CCT7: variants seen among roughly 807,000 people sequenced by gnomAD.
CCT7 encodes T-complex protein 1 subunit eta.
In CCT7, 16 loss-of-function variants were observed where a neutral mutation model predicts 56.6. The ratio of observed to expected loss-of-function variants is 0.28; its 90% CI spans 0.19 to 0.43. The LOEUF is 0.43. Ranked by LOEUF, CCT7 falls within the 20% of genes least tolerant of loss-of-function variation. CCT7 has a pLI of 1.00. For synonymous variants in CCT7, 262 were observed against 254.8 expected, an observed-to-expected ratio of 1.03 and a Z score of -0.27; for missense variants, 519 against 685.6, an observed-to-expected ratio of 0.76 and a Z score of 2.71.
chr2:73,252,880 C>G lies in CCT7; in HGVS notation c.*19C>G. The G allele has an allele frequency of 1.3e-6, 2 of 1,592,118 alleles. No individual in the cohort carries two copies. Among genetic ancestry groups the G allele is most frequent in the Non-Finnish European group, 1.7e-6 (2 of 1,162,180 alleles). ...CCACTGAGAGGCACCCCACCCATCACATGGCTGGCTGGCTGCTGGGTGCAC... is the reference window on the plus strand; with the variant it reads ...CCACTGAGAGGCACCCCACCCATCAGATGGCTGGCTGGCTGCTGGGTGCAC... On this transcript the variant is annotated 3_prime_UTR_variant, in exon 12 of 12. Transcript: ENST00000258091.
chr2:73,245,347 G>C (rs72905370), intron 6 of CCT7, among the ~76,000 whole-genome samples: 24 of 152,098 alleles, frequency 1.6e-4, no homozygotes, highest in Non-Finnish European at 2.9e-4. Flanking sequence ...CCACATTAGC[G>C]TGTGTAGCTC....
chr2:73,237,644 C>G (rs1400668735), intron 1 of CCT7: 3 of 152,108 alleles, frequency 2.0e-5, no homozygotes, highest in East Asian at 1.9e-4. Context: ...GACACTCCAG[C>G]AAAAGGAAGG....
At chr2:73,237,600 G>A (rs1163615491) in intron 1 of CCT7, 1 of 152,122 alleles carries the variant, frequency 6.6e-6, no homozygotes, top group Non-Finnish European at 1.5e-5. Flanking sequence ...AATGCTGGGA[G>A]TATAGAGAAG....
intron 2 of CCT7, 159 bp downstream of exon 2, chr2:73,239,955 G>T: frequency 1.5e-6 from 1 of 661,728 alleles, no homozygotes. Flanking sequence ...TGTCCTGACT[G>T]CTGAGCCCGT....
In CCT7 at chr2:73,247,793, A is replaced by C. The variant is rs747585718; in HGVS notation, c.650A>C (p.Lys217Thr). The C allele has an allele frequency of 3.1e-6, 5 of 1,614,182 alleles. No homozygotes were observed. The highest frequency in any genetic ancestry group is 4.2e-6 in the Non-Finnish European group (5 of 1,179,986). ...CAGCTGGTAGCTGGTGTTGCATTCA[A>C]GAAGACTTTCTCTTACGCTGGGTTT... ...DSQLVAGVAF[K>T]KTFSYAGFEM... Residue 217 changes from lysine (K) to threonine (T), a missense_variant, in exon 7 of 12, where the codon AAG (lysine) becomes ACG (threonine). Around this residue, in one of 3 missense-constraint regions of CCT7, gnomAD observed 276 missense variants for 357.3 expected, o/e 0.77. Transcript: ENST00000258091.
chr2:73,236,902 C>T (rs553994415), intron 1 of CCT7, among the ~76,000 whole-genome samples: 46 of 152,294 alleles, frequency 3.0e-4, no homozygotes, highest in African/African-American at 8.9e-4. Context: ...GCTCTTCTTG[C>T]ATTGTGCTTA....
At chr2:73,244,162 A>G in intron 5 of CCT7, 113 bp downstream of exon 5, 1 of 1,071,526 alleles carries the variant, frequency 9.3e-7, no homozygotes, top group East Asian at 2.6e-5. Context: ...CGACTCCCAA[A>G]GTGCTGGGAT....
chr2:73,239,902 C>T, intron 2 of CCT7, 106 bp downstream of exon 2: 3 of 957,544 alleles, frequency 3.1e-6, no homozygotes, highest in Non-Finnish European at 4.7e-6. Flanking sequence ...CTTTTAAGAT[C>T]GTTGAAAGAT....
rs3768637 is a variant in CCT7, at chr2:73,247,368, A to G, written c.619-394A>G. Among the ~76,000 whole-genome samples, 42 of 152,180 alleles carry G rather than the reference A, an allele frequency of 2.8e-4. 1 individual carries two copies. In the East Asian group the frequency reaches 8.1e-3, roughly 29 times the overall value. On this transcript the variant is annotated intron_variant, in intron 6 of 11. Transcript: ENST00000258091. ...GAGCTGGGGCATAGAAGAGGGTAGC[A>G]TTGCACAGCTTTTGTTTTGCCTTCT...
Position 73,244,036 on chromosome 2 carries a change from A to T in CCT7, c.433A>T (p.Lys145Ter). The T allele has an allele frequency of 6.2e-7, 1 of 1,613,438 alleles. No homozygotes were observed. Among genetic ancestry groups the T allele is most frequent in the Non-Finnish European group, 8.5e-7 (1 of 1,179,720 alleles). ...KIKEIAVTVKKADKVEQRKLL... is the reference protein window; with the variant it reads ...KIKEIAVTVK The stretch of plus-strand genomic sequence containing the variant: ...CAAAGAGATTGCTGTGACCGTGAAG[A>T]AGGCAGATAAAGTGTAAGTCTGTAG... Residue 145 changes from lysine (K) to a stop codon, truncating the protein, a stop_gained, in exon 5 of 12, where the codon AAG becomes TAG. Coordinates refer to ENST00000258091, the MANE Select transcript of CCT7 (RefSeq NM_006429.4). LOFTEE classifies it high-confidence loss of function.
chr2:73,252,643 G>C lies in CCT7; in HGVS notation c.1414G>C (p.Gly472Arg). The change falls in exon 12 of 12, where the codon GGT becomes CGT. Residue 472 changes from glycine to arginine, a missense_variant. Around this residue, in one of 3 missense-constraint regions of CCT7, gnomAD observed 237 missense variants for 300.8 expected, o/e 0.79. Transcript: ENST00000258091. ...NKLRARHAQG[G>R]TWYGVDINNE... ...CTTTCTTTTCCTACTCTTTTAGGGG[G>C]GTACATGGTATGGAGTAGACATCAA... 1 of 1,612,292 alleles carries C rather than the reference G, an allele frequency of 6.2e-7. No homozygotes were observed. The highest frequency in any genetic ancestry group is 8.5e-7 in the Non-Finnish European group (1 of 1,178,414).
intron 6 of CCT7, 94 bp from the exon 7 acceptor site, chr2:73,247,668 C>A (rs1353323189): frequency 9.7e-7 from 1 of 1,028,814 alleles, no homozygotes; most frequent in Non-Finnish European, 1.4e-6. Flanking sequence ...AGCTCAGGCT[C>A]ACAGGAATGG....
intron 1 of CCT7, among the ~76,000 whole-genome samples, chr2:73,237,352 G>A (rs980739352): frequency 1.3e-5 from 2 of 152,170 alleles, no homozygotes; most frequent in African/African-American, 2.4e-5. Flanking sequence ...ACAAGCATTG[G>A]GTAAGTTAAC....
chr2:73,234,498 GC>G, intron 1 of CCT7, 114 bp downstream of exon 1: 1 of 1,265,330 alleles, frequency 7.9e-7, no homozygotes, highest in Non-Finnish European at 1.1e-6. Context: ...CTCTGTCCTC[GC>G]CCAGATCCCC....
chr2:73,244,662 T>G lies in CCT7; in HGVS notation c.565T>G (p.Leu189Val). The G allele has an allele frequency of 1.2e-6, 2 of 1,613,866 alleles. No individual in the cohort carries two copies. Among genetic ancestry groups the G allele is most frequent in the Non-Finnish European group, 1.7e-6 (2 of 1,179,818 alleles). Reference sequence around the variant, plus strand: ...GGATGCAGTGATGATGCTCGATGATTTGCTGCAGCTTAAAATGATTGGAAT... The same window carrying G: ...GGATGCAGTGATGATGCTCGATGATGTGCTGCAGCTTAAAATGATTGGAAT... The part of the protein sequence containing the change: ...VVDAVMMLDD[L>V]LQLKMIGIKK... Residue 189 changes from leucine (L) to valine (V), a missense_variant, in exon 6 of 12, where the codon TTG becomes GTG. Physicochemically the swap from Leu to Val is conservative, Grantham distance 32. Around this residue, in one of 3 missense-constraint regions of CCT7, gnomAD observed 276 missense variants for 357.3 expected, o/e 0.77. Transcript: ENST00000258091.
chr2:73,247,249 G>C (rs896667566), intron 6 of CCT7, among the ~76,000 whole-genome samples: 1 of 152,148 alleles, frequency 6.6e-6, no homozygotes, highest in Non-Finnish European at 1.5e-5. Flanking sequence ...AAGCGTCAAG[G>C]CTATAGTATC....
Position 73,252,825 on chromosome 2 carries a change from A to C in CCT7, c.1596A>C (p.Ala532=). The part of the protein sequence containing the change: ...NPRSTVDAPT[A]AGRGRGRGRP... Reference sequence around the variant, plus strand: ...GCTCGACTGTGGATGCTCCCACAGCAGCAGGCCGGGGCCGTGGTCGTGGCC... The same window carrying C: ...GCTCGACTGTGGATGCTCCCACAGCCGCAGGCCGGGGCCGTGGTCGTGGCC... The change falls in exon 12 of 12, where the codon GCA becomes GCC. Residue 532 remains alanine (A), a synonymous_variant. Transcript: ENST00000258091. The C allele has an allele frequency of 1.2e-6, 2 of 1,614,050 alleles. No homozygotes were observed.
chr2:73,240,442 G>C lies in CCT7; in HGVS notation c.166G>C (p.Ala56Pro). The part of the protein sequence containing the change: ...DKLIVDGRGK[A>P]TISNDGATIL... ...TTTTGTTTGTTTCTTTTAAGGCAAA[G>C]CAACAATTTCTAATGATGGGGCCAC... Residue 56 changes from alanine to proline, a missense_variant, in exon 3 of 12, where the codon GCA (alanine) becomes CCA (proline). Transcript: ENST00000258091. 6.2e-7 allele frequency: 1 copy of C among 1,609,910 alleles called. No homozygotes were observed. Among genetic ancestry groups the C allele is most frequent in the Admixed American group, 1.7e-5 (1 of 59,568 alleles).
chr2:73,249,867 G>T lies in CCT7; in HGVS notation c.1021G>T (p.Val341Leu). Residue 341 changes from valine (V) to leucine (L), a missense_variant, in exon 9 of 12, where the codon GTG becomes TTG. By Grantham distance (32) the Val-to-Leu change is conservative (BLOSUM62 1). Coordinates refer to ENST00000258091, the MANE Select transcript of CCT7 (RefSeq NM_006429.4). ...CAGTGTGAATGCTCTGTCAGCAGAT[G>T]TGCTGGGTCGATGCCAGGTGTTTGA... is the stretch of plus-strand genomic sequence containing the variant. ...QTSVNALSAD[V>L]LGRCQVFEET... 1 of 1,614,072 alleles carries T rather than the reference G, an allele frequency of 6.2e-7. No individual in the cohort carries two copies. The highest frequency in any genetic ancestry group is 8.5e-7 in the Non-Finnish European group (1 of 1,179,874).
Sources: gnomAD v4.1 joint callset for allele counts (sites outside exome capture counted in the v4.1 genomes callset) on GRCh38, gnomAD v4.1.1 for gene constraint, gnomAD v4.1.1 regional missense constraint, MANE v1.5 for transcripts, NCBI Gene and HGNC (gene_info 2026-07-23, HGNC 2026-07-21) for gene names.